Variants in SUSD1 observed in about 807,000 individuals in gnomAD.
The protein encoded by SUSD1 is sushi domain containing 1.
A neutral mutation model predicts 86.9 loss-of-function variants in SUSD1; 65 were observed. That is an observed-to-expected ratio of 0.75 (90% CI 0.61 to 0.92). The LOEUF is 0.92. Among genes scored for constraint, SUSD1 ranks in the 40% least tolerant of loss-of-function variants. The pLI, the probability that SUSD1 is intolerant of heterozygous loss-of-function variation, is 0.00. For missense variants in SUSD1, 850 were observed against 929.7 expected (o/e 0.91, Z 1.11); for synonymous variants, 346 against 350.0 (o/e 0.99, Z 0.13).
intron 10 of SUSD1, among the ~76,000 whole-genome samples, chr9:112,082,383 G>A (rs1450252052): frequency 6.6e-6 from 1 of 152,200 alleles, no homozygotes; most frequent in Non-Finnish European, 1.5e-5. Flanking sequence ...AGGTGACTAA[G>A]ACAGTGAGAT....
At position 112,123,350 on chromosome 9, in the gene SUSD1, T is replaced by C. The variant is rs79985662; in HGVS notation, c.886+907A>G. On this transcript the variant is annotated intron_variant, in intron 6 of 16. Coordinates refer to ENST00000374270, the MANE Select transcript of SUSD1 (RefSeq NM_022486.5). ...GGTTCCTTTTAACAATCAGCTCTCATGTGAACTAAGAGCAAGAACTCATCA... is the reference window on the plus strand; with the variant it reads ...GGTTCCTTTTAACAATCAGCTCTCACGTGAACTAAGAGCAAGAACTCATCA... Among the ~76,000 whole-genome samples the C allele has an allele frequency of 3.0e-4, 45 of 152,206 alleles. No homozygotes were observed. The East Asian group carries it at 7.5e-3, about 26-fold the overall frequency.
At chr9:112,173,719 G>A (rs1834144593) in intron 1 of SUSD1, 2 of 400,752 alleles carry the variant, frequency 5.0e-6, no homozygotes, top group Non-Finnish European at 9.7e-6. Flanking sequence ...GACACCCTTT[G>A]GAATCTTGGG....
chr9:112,149,801 C>A (rs1229424340), intron 2 of SUSD1, among the ~76,000 whole-genome samples: 1 of 152,166 alleles, frequency 6.6e-6, no homozygotes, highest in African/African-American at 2.4e-5. Flanking sequence ...GGTGACTTTA[C>A]AGCCAGTGAT....
At chr9:112,052,195 T>A in intron 15 of SUSD1, 1 of 1,497,058 alleles carries the variant, frequency 6.7e-7, no homozygotes, top group African/African-American at 1.4e-5. Context: ...GCCTTCTTGG[T>A]GGGGTAGCTC....
intron 10 of SUSD1, among the ~76,000 whole-genome samples, chr9:112,089,324 CATAAA>C (rs1341071447): frequency 6.6e-6 from 1 of 151,910 alleles, no homozygotes; most frequent in African/African-American, 2.4e-5. Flanking sequence ...GCAGTTGTAA[CATAAA>C]ATAATAGGAT....
At chr9:112,045,635 C>T (rs1378711807) in intron 15 of SUSD1, among the ~76,000 whole-genome samples, 2 of 152,212 alleles carry the variant, frequency 1.3e-5, no homozygotes, top group Non-Finnish European at 2.9e-5. Context: ...ACCAGGGATA[C>T]ACAAGCCATC....
intron 1 of SUSD1, among the ~76,000 whole-genome samples, chr9:112,161,820 CA>C (rs11354546): frequency 0.61 from 72,779 of 119,502 alleles, 20,450 homozygotes; most frequent in Non-Finnish European, 0.65. Context: ...AGACTCCATC[CA>C]AAAAAAAAAA....
intron 8 of SUSD1, among the ~76,000 whole-genome samples, chr9:112,105,902 TAATAA>T (rs1830819523): frequency 1.3e-5 from 2 of 152,214 alleles, no homozygotes; most frequent in Non-Finnish European, 2.9e-5. Context: ...CCGGGTACAT[TAATAA>T]ATGATTAATG....
At chr9:112,123,617 T>G (rs1279812055) in intron 6 of SUSD1, among the ~76,000 whole-genome samples, 1 of 152,048 alleles carries the variant, frequency 6.6e-6, no homozygotes, top group African/African-American at 2.4e-5. Context: ...CTGGGCAACA[T>G]GGTGAAACCC....
chr9:112,111,573 C>G, intron 8 of SUSD1, 81 bp downstream of exon 8: 1 of 1,527,880 alleles, frequency 6.5e-7, no homozygotes, highest in Non-Finnish European at 8.8e-7. Flanking sequence ...AGCTCTCCAG[C>G]CCAGCTGATT....
At chr9:112,122,920 G>C (rs1831611269) in intron 6 of SUSD1, among the ~76,000 whole-genome samples, 1 of 152,186 alleles carries the variant, frequency 6.6e-6, no homozygotes, top group Admixed American at 6.5e-5. Context: ...ATTCACAAGA[G>C]ACAGAAAGTA....
chr9:112,141,312 T>C (rs76684429), intron 5 of SUSD1, among the ~76,000 whole-genome samples: 1 of 152,182 alleles, frequency 6.6e-6, no homozygotes, highest in Non-Finnish European at 1.5e-5. Flanking sequence ...TACAATGTGG[T>C]CCATCATCAT....
intron 5 of SUSD1, among the ~76,000 whole-genome samples, chr9:112,132,099 G>A (rs920815217): frequency 2.0e-5 from 3 of 152,142 alleles, no homozygotes; most frequent in Non-Finnish European, 2.9e-5. Flanking sequence ...GGCAACTTAC[G>A]GCATCTAATC....
chr9:112,058,804 GT>G (rs1396023607), intron 13 of SUSD1, 118 bp from the exon 14 acceptor site: 21 of 1,350,730 alleles, frequency 1.6e-5, no homozygotes, highest in Non-Finnish European at 1.8e-5. Flanking sequence ...TTTGTTTTTT[GT>G]TTTTTTTGAG....
chr9:112,114,209 G>A lies in SUSD1; in HGVS notation c.887-1341C>T, dbSNP rs116923150. ...ACTATCAAAAACAAACAGGCCTGGTGCAATAGCTCACGCCTGTAATCACAG... is the reference window on the plus strand; with the variant it reads ...ACTATCAAAAACAAACAGGCCTGGTACAATAGCTCACGCCTGTAATCACAG... On this transcript the variant is annotated intron_variant, in intron 6 of 16. Transcript: ENST00000374270. Among the ~76,000 whole-genome samples, 1,468 of 152,266 alleles carry A rather than the reference G, an allele frequency of 9.6e-3. 12 individuals carry two copies. The highest frequency in any genetic ancestry group is 0.051 in the Middle Eastern group (15 of 294).
At chr9:112,126,929 A>G (rs1348331120) in intron 5 of SUSD1, among the ~76,000 whole-genome samples, 1 of 152,158 alleles carries the variant, frequency 6.6e-6, no homozygotes, top group Admixed American at 6.5e-5. Context: ...TAGTCAAAAT[A>G]CCCATCCATG....
chr9:112,092,847 CAT>C (rs1289164113), intron 10 of SUSD1, among the ~76,000 whole-genome samples: 1 of 151,992 alleles, frequency 6.6e-6, no homozygotes, highest in Admixed American at 6.6e-5. Context: ...TGAAAGAAAC[CAT>C]AAAACAGAAG....
At chr9:112,110,734 C>CTT (rs375078056) in intron 8 of SUSD1, among the ~76,000 whole-genome samples, 1 of 145,586 alleles carries the variant, frequency 6.9e-6, no homozygotes, top group African/African-American at 2.5e-5. Flanking sequence ...ATAACCAGAG[C>CTT]TTTTTTTTTT....
At chr9:112,127,825 T>G (rs982801370) in intron 5 of SUSD1, among the ~76,000 whole-genome samples, 3 of 152,210 alleles carry the variant, frequency 2.0e-5, no homozygotes, top group Non-Finnish European at 4.4e-5. Flanking sequence ...TCGCTGTTGT[T>G]GTGATCTCAC....
Sources: allele counts gnomAD v4.1 joint callset (sites outside exome capture counted in the v4.1 genomes callset), GRCh38; gene constraint gnomAD v4.1.1; transcripts MANE v1.5; gene names NCBI Gene and HGNC (gene_info 2026-07-23, HGNC 2026-07-21).